Variants in SLC20A2 observed in about 807,000 individuals in gnomAD.
The protein encoded by SLC20A2 is sodium-dependent phosphate transporter 2.
SLC20A2 carries 30 observed loss-of-function variants against 61.0 expected under a neutral mutation model. That is an observed-to-expected ratio of 0.49 (90% CI 0.37 to 0.67). SLC20A2 has a LOEUF of 0.67. SLC20A2 is among the 30% of genes least tolerant of loss of function. SLC20A2 has a pLI of 0.00. For synonymous variants in SLC20A2, 351 were observed against 353.3 expected (o/e 0.99, Z 0.07); for missense variants, 626 against 866.4 (o/e 0.72, Z 3.48).
intron 5 of SLC20A2, among the ~76,000 whole-genome samples, chr8:42,458,633 C>T (rs1022832927): frequency 1.3e-5 from 2 of 148,586 alleles, no homozygotes; most frequent in East Asian, 4.0e-4. Context: ...AAAGGCCGGG[C>T]ATGGTGGCTC....
At chr8:42,510,338 C>A (rs888561144) in intron 1 of SLC20A2, among the ~76,000 whole-genome samples, 11 of 152,166 alleles carry the variant, frequency 7.2e-5, no homozygotes, top group African/African-American at 2.7e-4. Context: ...GTAAACTCCA[C>A]CCATCACAAA....
At chr8:42,456,066 T>C (rs1563479259) in intron 5 of SLC20A2, among the ~76,000 whole-genome samples, 1 of 152,128 alleles carries the variant, frequency 6.6e-6, no homozygotes, top group African/African-American at 2.4e-5. Flanking sequence ...TTCCCTAGGA[T>C]AATTTACTCT....
Position 42,437,465 on chromosome 8 carries a change from T to C in SLC20A2, c.1047A>G (p.Lys349=). Residue 349 remains lysine, a synonymous_variant, in exon 8 of 11, where the codon AAA becomes AAG. Coordinates refer to ENST00000520262, the MANE Select transcript of SLC20A2 (RefSeq NM_001257180.2). This position sits in a 1 kb window ranked among gnomAD's most constrained non-coding sequence, Gnocchi z 6.4. ...SDGHVYHTVH[K]DSGLYKDLLH... ...GCAGATCTTTGTAGAGCCCCGAGTC[T>C]TTGTGCACGGTGTGGTACACATGAC... is the stretch of plus-strand genomic sequence containing the variant. 1 of 1,614,154 alleles carries C rather than the reference T, an allele frequency of 6.2e-7. No homozygotes were observed. The highest frequency in any genetic ancestry group is 8.5e-7 in the Non-Finnish European group (1 of 1,180,014).
At chr8:42,535,751 C>T (rs1256755863) in intron 1 of SLC20A2, among the ~76,000 whole-genome samples, 6 of 152,170 alleles carry the variant, frequency 3.9e-5, no homozygotes, top group Non-Finnish European at 1.5e-5. Flanking sequence ...AGAAAAGGCA[C>T]CAGAATCACT....
At chr8:42,430,758 GTC>G (rs933053469) in intron 8 of SLC20A2, among the ~76,000 whole-genome samples, 1 of 152,188 alleles carries the variant, frequency 6.6e-6, no homozygotes, top group Non-Finnish European at 1.5e-5. Flanking sequence ...CTCACGTCAT[GTC>G]TCTGTGTCAC....
At chr8:42,510,380 G>C (rs1490561399) in intron 1 of SLC20A2, among the ~76,000 whole-genome samples, 1 of 152,172 alleles carries the variant, frequency 6.6e-6, no homozygotes, top group African/African-American at 2.4e-5. Flanking sequence ...GTATTGGATA[G>C]AATGTGAAAT....
chr8:42,443,336 A>T (rs1280387702), intron 6 of SLC20A2, among the ~76,000 whole-genome samples: 7 of 137,660 alleles, frequency 5.1e-5, no homozygotes, highest in African/African-American at 1.9e-4. Flanking sequence ...TTTTTTTGAG[A>T]CGGAGTCTCG....
At chr8:42,466,034 T>C in intron 2 of SLC20A2, 117 bp from the exon 3 acceptor site, 1 of 965,574 alleles carries the variant, frequency 1.0e-6, no homozygotes, top group East Asian at 2.7e-5. Context: ...TTCTGTGAAT[T>C]GTTTCTTTAC....
intron 1 of SLC20A2, among the ~76,000 whole-genome samples, chr8:42,535,664 T>C (rs968250516): frequency 6.6e-6 from 1 of 152,236 alleles, no homozygotes; most frequent in African/African-American, 2.4e-5. Context: ...TTGGTACCAC[T>C]GAACCAAATC....
chr8:42,506,720 A>G (rs888202932), intron 1 of SLC20A2, among the ~76,000 whole-genome samples: 1 of 152,220 alleles, frequency 6.6e-6, no homozygotes, highest in Non-Finnish European at 1.5e-5. Flanking sequence ...GTCCCCAGCC[A>G]GAGGTTAGCA....
chr8:42,515,100 T>C (rs539069280), intron 1 of SLC20A2, among the ~76,000 whole-genome samples: 3 of 152,358 alleles, frequency 2.0e-5, no homozygotes, highest in Admixed American at 6.5e-5. Flanking sequence ...TAAGACAGAT[T>C]GATATCACAT....
intron 1 of SLC20A2, chr8:42,484,873 C>G: frequency 2.6e-6 from 1 of 391,794 alleles, no homozygotes. Flanking sequence ...CTACACGCAG[C>G]CACTGAGCAT....
At chr8:42,508,666 C>T (rs1349799767) in intron 1 of SLC20A2, among the ~76,000 whole-genome samples, 1 of 152,204 alleles carries the variant, frequency 6.6e-6, no homozygotes, top group African/African-American at 2.4e-5. Context: ...GCTGGGATTA[C>T]AGGCGTGAGC....
Position 42,428,675 on chromosome 8 carries a change from T to C in SLC20A2, c.1794+83A>G, listed in dbSNP as rs530987225. On this transcript the variant is annotated intron_variant, in intron 10 of 10. Transcript: ENST00000520262. ...TTTTGCACAACCATCTACAGAGCCC[T>C]ACAGCTTCCCTTGCATGCGCTCCGG... The C allele has an allele frequency of 1.8e-5, 22 of 1,257,010 alleles. No individual in the cohort carries two copies. The East Asian group carries it at 5.6e-4, about 32-fold the overall frequency. The allele number at this position is 1,257,010 out of a possible 1,614,324, so 77.9% of individuals were successfully genotyped here. A position where few individuals can be genotyped will look rare whatever the true frequency, so the allele number is the denominator to read the frequency against.
chr8:42,531,480 C>T (rs1300903348), intron 1 of SLC20A2, among the ~76,000 whole-genome samples: 1 of 152,154 alleles, frequency 6.6e-6, no homozygotes, highest in African/African-American at 2.4e-5. Flanking sequence ...CATCAGTCTA[C>T]CTCCAGCAGT....
At chr8:42,509,136 A>C (rs966978715) in intron 1 of SLC20A2, among the ~76,000 whole-genome samples, 4 of 152,272 alleles carry the variant, frequency 2.6e-5, no homozygotes, top group African/African-American at 9.6e-5. Flanking sequence ...ACATATGTTT[A>C]TGCATACACA....
chr8:42,530,734 T>G (rs1213331885), intron 1 of SLC20A2, among the ~76,000 whole-genome samples: 1 of 152,166 alleles, frequency 6.6e-6, no homozygotes, highest in East Asian at 1.9e-4. Context: ...GGTTTTGTTT[T>G]TGAGACAGTC....
At chr8:42,429,264 A>G (rs1177535198) in intron 9 of SLC20A2, among the ~76,000 whole-genome samples, 1 of 152,244 alleles carries the variant, frequency 6.6e-6, no homozygotes, top group East Asian at 1.9e-4. Context: ...TTTTATTGAA[A>G]TGAATTTCAA....
At chr8:42,487,172 C>G (rs992965674) in intron 1 of SLC20A2, among the ~76,000 whole-genome samples, 2 of 105,400 alleles carry the variant, frequency 1.9e-5, no homozygotes, top group African/African-American at 8.1e-5. Context: ...GCCATGGTTT[C>G]TTTCTTTTTT....
Sources: gnomAD v4.1 joint callset for allele counts (sites outside exome capture counted in the v4.1 genomes callset) on GRCh38, gnomAD v4.1.1 for gene constraint, Gnocchi (gnomAD v3.1) non-coding constraint, MANE v1.5 for transcripts, NCBI Gene and HGNC (gene_info 2026-07-23, HGNC 2026-07-21) for gene names.